The following FAM171A1 variants were observed in gnomAD, a reference collection of about 807,000 sequenced individuals.
FAM171A1 encodes the protein protein FAM171A1.
In FAM171A1, 23 loss-of-function variants were observed where a neutral mutation model predicts 74.9. The ratio of observed to expected loss-of-function variants is 0.31; its 90% CI spans 0.22 to 0.44. The LOEUF (loss-of-function observed/expected upper bound fraction) is 0.44, where lower values mean the gene tolerates loss of function less well. Among genes scored for constraint, FAM171A1 ranks in the 20% least tolerant of loss-of-function variants. FAM171A1 has a pLI of 1.00. For missense variants in FAM171A1, 1,162 were observed against 1,159.2 expected (o/e 1.00, Z -0.03); for synonymous variants, 527 against 505.7 (o/e 1.04, Z -0.57).
In FAM171A1 at chr10:15,275,925, G is replaced by T; in HGVS notation, c.348C>A (p.Gly116=). The change falls in exon 3 of 8, where the codon GGC becomes GGA. Residue 116 remains glycine, a synonymous_variant. Coordinates refer to ENST00000378116, the MANE Select transcript of FAM171A1 (RefSeq NM_001010924.2). ...RLPVFSSLSL[G]LLPERSATLM... is the part of the protein sequence containing the mutation. ...GAGTGGCAGAGCGTTCTGGAAGCAGGCCAAGGCTCAGAGAGGAAAATACTG... is the reference window on the plus strand; with the variant it reads ...GAGTGGCAGAGCGTTCTGGAAGCAGTCCAAGGCTCAGAGAGGAAAATACTG... 1 of 1,612,248 alleles carries T rather than the reference G, an allele frequency of 6.2e-7. No individual in the cohort carries two copies. Among genetic ancestry groups the T allele is most frequent in the South Asian group, 1.1e-5 (1 of 90,722 alleles).
At chr10:15,251,922 C>G (rs1057293430) in intron 4 of FAM171A1, among the ~76,000 whole-genome samples, 2 of 152,160 alleles carry the variant, frequency 1.3e-5, no homozygotes, top group African/African-American at 4.8e-5. Context: ...CAGAACACCA[C>G]TGGCCCAAGC....
At chr10:15,310,514 C>T (rs1000789241) in intron 1 of FAM171A1, among the ~76,000 whole-genome samples, 19 of 152,284 alleles carry the variant, frequency 1.2e-4, no homozygotes, top group African/African-American at 4.3e-4. Context: ...CAACCCAATA[C>T]CAAATGTTCT....
chr10:15,341,469 A>G (rs915380921), intron 1 of FAM171A1, among the ~76,000 whole-genome samples: 2 of 152,182 alleles, frequency 1.3e-5, no homozygotes, highest in African/African-American at 4.8e-5. Context: ...TCCTCCCCGC[A>G]ATTGCTGGCA....
intron 1 of FAM171A1, among the ~76,000 whole-genome samples, chr10:15,314,536 T>C (rs1458286865): frequency 6.6e-6 from 1 of 152,178 alleles, no homozygotes; most frequent in African/African-American, 2.4e-5. Context: ...TGACCTAAAA[T>C]TGGGACCGAG....
intron 3 of FAM171A1, among the ~76,000 whole-genome samples, chr10:15,264,979 C>A (rs1363909880): frequency 6.6e-6 from 1 of 151,860 alleles, no homozygotes; most frequent in African/African-American, 2.4e-5. Flanking sequence ...TGCCTCAATA[C>A]GACCGAGACA....
intron 1 of FAM171A1, among the ~76,000 whole-genome samples, chr10:15,319,796 A>G (rs1835465770): frequency 2.0e-5 from 3 of 152,188 alleles, no homozygotes. Context: ...ACCAACAAAA[A>G]CAGACATAAT....
chr10:15,258,427 C>T (rs1348807643), intron 3 of FAM171A1, among the ~76,000 whole-genome samples: 1 of 152,200 alleles, frequency 6.6e-6, no homozygotes, highest in African/African-American at 2.4e-5. Flanking sequence ...CATTGTAAGA[C>T]TTGGCTCAAC....
At chr10:15,216,411 A>G (rs1255066310) in intron 6 of FAM171A1, among the ~76,000 whole-genome samples, 1 of 152,112 alleles carries the variant, frequency 6.6e-6, no homozygotes, top group Non-Finnish European at 1.5e-5. Flanking sequence ...CATGTGCCGC[A>G]TTTGAAATAC....
chr10:15,254,501 A>T (rs1201301819), intron 4 of FAM171A1, among the ~76,000 whole-genome samples: 1 of 152,262 alleles, frequency 6.6e-6, no homozygotes, highest in East Asian at 1.9e-4. Context: ...TGGTAACAGA[A>T]GAAAAGCTCA....
At chr10:15,251,426 A>G (rs140248844) in intron 4 of FAM171A1, among the ~76,000 whole-genome samples, 3,151 of 145,794 alleles carry the variant, frequency 0.022, 58 homozygotes, top group Non-Finnish European at 0.026. Context: ...TTTTTTAGAC[A>G]GAGTCTTGCT....
Position 15,265,266 on chromosome 10 carries a change from T to C in FAM171A1, c.419-10387A>G, listed in dbSNP as rs549186400. On this transcript the variant is annotated intron_variant, in intron 3 of 7. Coordinates refer to ENST00000378116, the MANE Select transcript of FAM171A1 (RefSeq NM_001010924.2). ...TCGTGTGTGTGCGTGTGTGTGTGTG[T>C]GCGTGTGTGTTTGTGTGTGTACTGT... Among the ~76,000 whole-genome samples the C allele has an allele frequency of 2.6e-4, 40 of 152,030 alleles. No individual in the cohort carries two copies. In the South Asian group the frequency reaches 4.6e-3, roughly 17 times the overall value.
intron 5 of FAM171A1, among the ~76,000 whole-genome samples, chr10:15,234,750 T>C (rs969760852): frequency 2.0e-5 from 3 of 152,016 alleles, no homozygotes; most frequent in Non-Finnish European, 4.4e-5. Flanking sequence ...CCTCTGGGGT[T>C]CACGCCATTC....
chr10:15,305,018 T>C (rs1038645721), intron 1 of FAM171A1, among the ~76,000 whole-genome samples: 3 of 152,220 alleles, frequency 2.0e-5, no homozygotes, highest in African/African-American at 7.2e-5. Context: ...ATTACAGGCA[T>C]GAGCCACAGC....
At chr10:15,244,483 C>T (rs539626695) in intron 5 of FAM171A1, among the ~76,000 whole-genome samples, 2 of 152,318 alleles carry the variant, frequency 1.3e-5, no homozygotes, top group African/African-American at 4.8e-5. Flanking sequence ...CACACCATTG[C>T]ACTCTAGCCT....
At chr10:15,278,015 C>G (rs2138925) in intron 2 of FAM171A1, among the ~76,000 whole-genome samples, 1 of 152,080 alleles carries the variant, frequency 6.6e-6, no homozygotes, top group African/African-American at 2.4e-5. Context: ...CTCGGCCTCC[C>G]AAAGTGCTGG....
chr10:15,282,642 C>T (rs544223311), intron 2 of FAM171A1, among the ~76,000 whole-genome samples: 8 of 152,328 alleles, frequency 5.3e-5, no homozygotes, highest in African/African-American at 7.2e-5. Context: ...ACAGCCTAAA[C>T]GTCCCTCAGT....
intron 1 of FAM171A1, among the ~76,000 whole-genome samples, chr10:15,341,639 GA>G (rs1455184536): frequency 6.6e-6 from 1 of 152,210 alleles, no homozygotes; most frequent in African/African-American, 2.4e-5. Context: ...AAGTATCAGA[GA>G]GGGAAAAGTG....
At chr10:15,244,901 G>A (rs1834412209) in intron 5 of FAM171A1, among the ~76,000 whole-genome samples, 1 of 152,206 alleles carries the variant, frequency 6.6e-6, no homozygotes, top group African/African-American at 2.4e-5. Context: ...GCTCGTGAAA[G>A]TGACAAGCTG....
intron 1 of FAM171A1, among the ~76,000 whole-genome samples, chr10:15,329,014 A>G (rs1421112162): frequency 6.6e-6 from 1 of 152,210 alleles, no homozygotes; most frequent in African/African-American, 2.4e-5. Flanking sequence ...CACGCCGCAC[A>G]TAAACAGCAC....
Sources: gnomAD v4.1 joint callset for allele counts (sites outside exome capture counted in the v4.1 genomes callset) on GRCh38, gnomAD v4.1.1 for gene constraint, MANE v1.5 for transcripts, NCBI Gene and HGNC (gene_info 2026-07-23, HGNC 2026-07-21) for gene names.